CD164: variants seen among roughly 807,000 people sequenced by gnomAD.
CD164 encodes the protein sialomucin core protein 24.
In CD164, 11 loss-of-function variants were observed where a neutral mutation model predicts 24.6. The observed-to-expected ratio is 0.45, with a 90% CI of 0.28 to 0.74. CD164 has a LOEUF of 0.74. CD164 is among the 30% of genes least tolerant of loss of function. The pLI is 0.13. For synonymous variants in CD164, 126 were observed against 100.3 expected, an observed-to-expected ratio of 1.26 and a Z score of -1.53; for missense variants, 295 against 243.7, an observed-to-expected ratio of 1.21 and a Z score of -1.40.
intron 4 of CD164, among the ~76,000 whole-genome samples, chr6:109,373,353 C>T (rs542269142): frequency 6.6e-6 from 1 of 152,306 alleles, no homozygotes; most frequent in East Asian, 1.9e-4. Context: ...ATTCTCTTTG[C>T]ATTGTTTAAC....
intron 1 of CD164, chr6:109,381,554 G>C: frequency 1.4e-6 from 1 of 702,456 alleles, no homozygotes; most frequent in Non-Finnish European, 2.6e-6. Context: ...TACATACATG[G>C]GTACTTTTCT....
intron 1 of CD164, among the ~76,000 whole-genome samples, chr6:109,380,691 T>C (rs1381397710): frequency 6.6e-6 from 1 of 152,264 alleles, no homozygotes; most frequent in East Asian, 1.9e-4. Context: ...CTAAACTTGC[T>C]ACCTTTCAGA....
Position 109,367,028 on chromosome 6 carries a change from T to C in CD164, c.*1823A>G, listed in dbSNP as rs552687823. 1 of 152,488 alleles carries C rather than the reference T, an allele frequency of 6.6e-6. No individual in the cohort carries two copies. Among genetic ancestry groups the C allele is most frequent in the Non-Finnish European group, 1.5e-5 (1 of 68,006 alleles). The allele number at this position is 152,488 out of a possible 1,614,324, so 9.4% of individuals were successfully genotyped here. ...TTTTGCCACCTTGGGAGGAATGGAATTCTGCCTATTTTCGAATTAATCCTA... is the reference window on the plus strand; with the variant it reads ...TTTTGCCACCTTGGGAGGAATGGAACTCTGCCTATTTTCGAATTAATCCTA... On this transcript the variant is annotated 3_prime_UTR_variant, in exon 6 of 6. Transcript: ENST00000310786.
rs920714735 is a variant in CD164, at chr6:109,370,461, G to C, written c.377C>G (p.Pro126Arg). 1.2e-6 allele frequency: 2 copies of C among 1,611,662 alleles called. No individual in the cohort carries two copies. The highest frequency in any genetic ancestry group is 1.7e-6 in the Non-Finnish European group (2 of 1,178,828). Residue 126 changes from proline (P) to arginine (R), a missense_variant, in exon 5 of 6, where the codon CCC (proline) becomes CGC (arginine). Physicochemically the swap from Pro to Arg is moderately radical, Grantham distance 103 (BLOSUM62 -2). Coordinates refer to ENST00000310786, the MANE Select transcript of CD164 (RefSeq NM_006016.6). ...TGTAGAAGGGGAGGGCTGAACTGTG[G>C]GTTTAGCTGGAATGAAAACAAAATG... ...PVPTANSTAK[P>R]TVQPSPSTTS...
chr6:109,379,327 G>A lies in CD164; in HGVS notation c.259+252C>T, dbSNP rs79347176. Among the ~76,000 whole-genome samples, 71 of 152,250 alleles carry A rather than the reference G, an allele frequency of 4.7e-4. No homozygotes were observed. The East Asian group carries it at 6.4e-3, about 14-fold the overall frequency. ...TTCAAGACCAACCTGGGTAACACAG[G>A]AGACTCCATCTCATAAAAAACAAAC... On this transcript the variant is annotated intron_variant, in intron 2 of 5. Transcript: ENST00000310786.
intron 1 of CD164, chr6:109,381,481 A>T (rs1582495746): frequency 1.4e-6 from 1 of 701,880 alleles, no homozygotes; most frequent in East Asian, 2.7e-5. Context: ...CTCTGCATCT[A>T]CCTCCTAGGT....
At chr6:109,369,052 G>C in intron 5 of CD164, 35 bp from the exon 6 acceptor site, 1 of 1,575,232 alleles carries the variant, frequency 6.3e-7, no homozygotes, top group Non-Finnish European at 8.6e-7. Context: ...ACAATCCTAA[G>C]TTTCATGGTC....
intron 4 of CD164, chr6:109,371,405 C>G (rs374337412): frequency 3.5e-4 from 53 of 153,498 alleles, no homozygotes; most frequent in African/African-American, 1.3e-3. Flanking sequence ...CATGTGCCAC[C>G]ACACCCAGCT....
In CD164 at chr6:109,368,393, A is replaced by C; in HGVS notation, c.*458T>G. The C allele has an allele frequency of 1.4e-6, 2 of 1,461,692 alleles. No homozygotes were observed. Among genetic ancestry groups the C allele is most frequent in the South Asian group, 1.4e-5 (1 of 71,288 alleles). The allele number at this position is 1,461,692 out of a possible 1,614,324, so 90.5% of individuals were successfully genotyped here. ...TCTAAGGATACCATTTAGTACTACT[A>C]AATTAATAAATTTATTCCACTTTTG... On this transcript the variant is annotated 3_prime_UTR_variant, in exon 6 of 6. Transcript: ENST00000310786.
intron 3 of CD164, 80 bp downstream of exon 3, chr6:109,377,820 A>C: frequency 1.0e-6 from 1 of 966,936 alleles, no homozygotes; most frequent in Non-Finnish European, 1.7e-6. Context: ...CAAACAAAGC[A>C]CTGAAACAAG....
chr6:109,370,543 T>A (rs1170012834), intron 4 of CD164, 76 bp from the exon 5 acceptor site: 1 of 1,302,340 alleles, frequency 7.7e-7, no homozygotes, highest in African/African-American at 1.5e-5. Context: ...CTTTAAAAAA[T>A]AATCCTGCCA....
intron 2 of CD164, 82 bp downstream of exon 2, chr6:109,379,497 C>G (rs1771610883): frequency 9.8e-7 from 1 of 1,023,580 alleles, no homozygotes; most frequent in Non-Finnish European, 1.5e-6. Context: ...CCTAAATGTC[C>G]TACATAACTT....
intron 1 of CD164, chr6:109,380,547 C>A (rs1375813570): frequency 2.0e-5 from 3 of 152,106 alleles, no homozygotes; most frequent in Non-Finnish European, 1.5e-5. Flanking sequence ...GGGACATGTA[C>A]GGTGGGGTGG....
chr6:109,377,114 G>A (rs1771452310), intron 3 of CD164, among the ~76,000 whole-genome samples: 1 of 152,142 alleles, frequency 6.6e-6, no homozygotes, highest in Non-Finnish European at 1.5e-5. Flanking sequence ...TCCAGCCTGG[G>A]CAACAAAGAG....
At position 109,382,245 on chromosome 6, in the gene CD164, G is replaced by A. The variant is rs746491320; in HGVS notation, c.134C>T (p.Ala45Val). ...GACCAGCGGGAGGGACGTCACCGGCGCCGAGGTTACGTTGGAGATGGGCGC... is the reference window on the plus strand; with the variant it reads ...GACCAGCGGGAGGGACGTCACCGGCACCGAGGTTACGTTGGAGATGGGCGC... Reference protein sequence around the residue: ...TLAPISNVTSAPVTSLPLVTT... With the variant: ...TLAPISNVTSVPVTSLPLVTT... The change falls in exon 1 of 6, where the codon GCG becomes GTG. Residue 45 changes from alanine to valine, a missense_variant. Coordinates refer to ENST00000310786, the MANE Select transcript of CD164 (RefSeq NM_006016.6). 14 of 1,586,012 alleles carry A rather than the reference G, an allele frequency of 8.8e-6. No individual in the cohort carries two copies. The highest frequency in any genetic ancestry group is 2.3e-5 in the East Asian group (1 of 43,392).
intron 5 of CD164, among the ~76,000 whole-genome samples, chr6:109,370,128 A>G (rs1770995265): frequency 6.6e-6 from 1 of 152,192 alleles, no homozygotes; most frequent in African/African-American, 2.4e-5. Context: ...TACAAATTAG[A>G]TTTTACATAC....
chr6:109,368,758 C>T lies in CD164; in HGVS notation c.*93G>A, dbSNP rs370192032. The stretch of plus-strand genomic sequence containing the variant: ...TGGAAATTTAAAGATCCTGGAATAG[C>T]GTCTTCCATGTGGGACATCTTAAAA... On this transcript the variant is annotated 3_prime_UTR_variant, in exon 6 of 6. Transcript: ENST00000310786. The T allele has an allele frequency of 2.0e-6, 3 of 1,478,704 alleles. No homozygotes were observed. The highest frequency in any genetic ancestry group is 2.7e-6 in the Non-Finnish European group (3 of 1,118,724). The allele number at this position is 1,478,704 out of a possible 1,614,324, so 91.6% of individuals were successfully genotyped here.
rs1222330257 is a variant in CD164, at chr6:109,382,391, G to T, written c.-13C>A. The T allele has an allele frequency of 5.9e-6, 9 of 1,514,248 alleles. No homozygotes were observed. In the Admixed American group the frequency reaches 6.1e-5, roughly 10 times the overall value. The allele number at this position is 1,514,248 out of a possible 1,614,324, so 93.8% of individuals were successfully genotyped here. A position where few individuals can be genotyped will look rare whatever the true frequency, so the allele number is the denominator to read the frequency against. ...AGAGCCGCGACATCGTGTCCTCAGC[G>T]CTGGCGTTCGGGAGAAAGCTAAGGC... is the stretch of plus-strand genomic sequence containing the variant. On this transcript the variant is annotated 5_prime_UTR_variant, in exon 1 of 6. Coordinates refer to ENST00000310786, the MANE Select transcript of CD164 (RefSeq NM_006016.6).
chr6:109,375,954 T>C, intron 4 of CD164, 120 bp downstream of exon 4: 1 of 750,236 alleles, frequency 1.3e-6, no homozygotes, highest in South Asian at 1.8e-5. Context: ...CCAAGACTTT[T>C]AAGTTTTTAC....
Sources: gnomAD v4.1 joint callset for allele counts (sites outside exome capture counted in the v4.1 genomes callset) on GRCh38, gnomAD v4.1.1 for gene constraint, MANE v1.5 for transcripts, NCBI Gene and HGNC (gene_info 2026-07-23, HGNC 2026-07-21) for gene names.